ZNF621: variants seen among roughly 807,000 people sequenced by gnomAD.
ZNF621 encodes zinc finger protein 621.
A neutral mutation model predicts 12.7 loss-of-function variants in ZNF621; 6 were observed. The observed-to-expected ratio is 0.47, with a 90% CI of 0.26 to 0.93. The LOEUF is 0.93. ZNF621 is among the 40% of genes least tolerant of loss of function. ZNF621 has a pLI of 0.15. For synonymous variants in ZNF621, 156 were observed against 190.3 expected, an observed-to-expected ratio of 0.82 and a Z score of 1.48; for missense variants, 474 against 524.0, an observed-to-expected ratio of 0.90 and a Z score of 0.93.
chr3:40,537,394 G>A lies in ZNF621; in HGVS notation c.*4304G>A, dbSNP rs1426306056. The stretch of plus-strand genomic sequence containing the variant: ...AAGCGGGAGGATCCCCTGAAGCCAG[G>A]AGTCCGAGACCAGCTTGGGCCACAA... On this transcript the variant is annotated 3_prime_UTR_variant, in exon 5 of 5. Coordinates refer to ENST00000339296, the MANE Select transcript of ZNF621 (RefSeq NM_198484.5). 2 of 152,270 alleles carry A rather than the reference G, an allele frequency of 1.3e-5. No homozygotes were observed. Among genetic ancestry groups the A allele is most frequent in the Non-Finnish European group, 2.9e-5 (2 of 68,132 alleles). The allele number at this position is 152,270 out of a possible 1,614,324, so 9.4% of individuals were successfully genotyped here. A position where few individuals can be genotyped will look rare whatever the true frequency, so the allele number is the denominator to read the frequency against.
In ZNF621 at chr3:40,533,249, T is replaced by C. The variant is rs1205237613; in HGVS notation, c.*159T>C. On this transcript the variant is annotated 3_prime_UTR_variant, in exon 5 of 5. Coordinates refer to ENST00000339296, the MANE Select transcript of ZNF621 (RefSeq NM_198484.5). ...TCCCCCTCCTGGGTTCAAGCGATTCTCCTCCTTCAGACTCTCGAATAGCTG... is the reference window on the plus strand; with the variant it reads ...TCCCCCTCCTGGGTTCAAGCGATTCCCCTCCTTCAGACTCTCGAATAGCTG... 10 of 1,204,626 alleles carry C rather than the reference T, an allele frequency of 8.3e-6. No individual in the cohort carries two copies. The Admixed American group carries it at 1.7e-4, about 21-fold the overall frequency. The allele number at this position is 1,204,626 out of a possible 1,614,324, so 74.6% of individuals were successfully genotyped here. A position where few individuals can be genotyped will look rare whatever the true frequency, so the allele number is the denominator to read the frequency against.
In ZNF621 at chr3:40,536,937, G is replaced by A. The variant is rs1284425512; in HGVS notation, c.*3847G>A. ...TATGTTTCTATTGTAATTGTTTTGG[G>A]GTGCCACAGACTGCATCCATCTAAG... On this transcript the variant is annotated 3_prime_UTR_variant, in exon 5 of 5. Transcript: ENST00000339296. 1.3e-5 allele frequency: 2 copies of A among 151,962 alleles called. No homozygotes were observed. Among genetic ancestry groups the A allele is most frequent in the Non-Finnish European group, 2.9e-5 (2 of 67,982 alleles). The allele number at this position is 151,962 out of a possible 1,614,324, so 9.4% of individuals were successfully genotyped here. A position where few individuals can be genotyped will look rare whatever the true frequency, so the allele number is the denominator to read the frequency against.
chr3:40,526,439 T>G (rs898798040), intron 2 of ZNF621, among the ~76,000 whole-genome samples: 45 of 152,248 alleles, frequency 3.0e-4, no homozygotes, highest in African/African-American at 1.1e-3. Flanking sequence ...CCCAAAGTGC[T>G]GGGATTATAG....
chr3:40,530,212 C>T lies in ZNF621; in HGVS notation c.155C>T (p.Ala52Val), dbSNP rs775872579. Residue 52 changes from alanine to valine, a missense_variant, in exon 4 of 5, where the codon GCG (alanine) becomes GTG (valine). Coordinates refer to ENST00000339296, the MANE Select transcript of ZNF621 (RefSeq NM_198484.5). ...ENYANVASLV[A>V]FPFPKPALIS... is the part of the protein sequence containing the mutation. ...TCTTTCTCTTTTCTTCATGAAGTAGCGTTTCCATTCCCCAAACCTGCTCTG... is the reference window on the plus strand; with the variant it reads ...TCTTTCTCTTTTCTTCATGAAGTAGTGTTTCCATTCCCCAAACCTGCTCTG... 8.7e-6 allele frequency: 14 copies of T among 1,612,856 alleles called. No homozygotes were observed. The highest frequency in any genetic ancestry group is 1.6e-4 in the Middle Eastern group (1 of 6,072).
At chr3:40,525,740 C>T (rs1698563111) in intron 1 of ZNF621, 39 bp from the exon 2 acceptor site, 5 of 1,558,204 alleles carry the variant, frequency 3.2e-6, no homozygotes, top group East Asian at 4.5e-5. Context: ...AGGTGGTGGA[C>T]GACAGGGTCC....
rs1698874005 is a variant in ZNF621 at position 40,536,750 on chromosome 3, A to AT, written c.*3666dup. ...TTTTATTGTGTCTTGCGGATATTGCATTTTTTACAAACTGAAGGTTTGTGG... is the reference window on the plus strand; with the variant it reads ...TTTTATTGTGTCTTGCGGATATTGCATTTTTTTACAAACTGAAGGTTTGTGG... On this transcript the variant is annotated 3_prime_UTR_variant, in exon 5 of 5. Transcript: ENST00000339296. 1.3e-5 allele frequency: 2 copies of AT among 152,046 alleles called. No homozygotes were observed. The highest frequency in any genetic ancestry group is 4.8e-5 in the African/African-American group (2 of 41,388). The allele number at this position is 152,046 out of a possible 1,614,324, so 9.4% of individuals were successfully genotyped here.
chr3:40,531,557 A>C (rs1327481630), intron 4 of ZNF621, among the ~76,000 whole-genome samples: 1 of 151,428 alleles, frequency 6.6e-6, no homozygotes, highest in African/African-American at 2.4e-5. Flanking sequence ...CTCCAATTCT[A>C]TGTCATTATT....
rs1164431979 is a variant in ZNF621, at chr3:40,532,060, T to G, written c.290T>G (p.Leu97Arg). ...GGESWIKNEG[L>R]VIKQEASEET... ...GAGTCCTGGATCAAAAATGAAGGGC[T>G]AGTTATAAAGCAGGAAGCCTCTGAA... The change falls in exon 5 of 5, where the codon CTA becomes CGA. Residue 97 changes from leucine (L) to arginine (R), a missense_variant. Leu to Arg is a moderately radical substitution (Grantham distance 102). Transcript: ENST00000339296. 1 of 1,613,202 alleles carries G rather than the reference T, an allele frequency of 6.2e-7. No individual in the cohort carries two copies. The highest frequency in any genetic ancestry group is 8.5e-7 in the Non-Finnish European group (1 of 1,179,762).
At position 40,536,372 on chromosome 3, in the gene ZNF621, C is replaced by T. The variant is rs1487918440; in HGVS notation, c.*3282C>T. ...GTGTTGGGATTACAGGCGTGAGCCA[C>T]TGCACCTGGCCTGTAACATGATTTG... is the stretch of plus-strand genomic sequence containing the variant. On this transcript the variant is annotated 3_prime_UTR_variant, in exon 5 of 5. Coordinates refer to ENST00000339296, the MANE Select transcript of ZNF621 (RefSeq NM_198484.5). The T allele has an allele frequency of 1.3e-5, 2 of 152,250 alleles. No homozygotes were observed. The highest frequency in any genetic ancestry group is 2.9e-5 in the Non-Finnish European group (2 of 68,068). The allele number at this position is 152,250 out of a possible 1,614,324, so 9.4% of individuals were successfully genotyped here.
intron 4 of ZNF621, 78 bp downstream of exon 4, chr3:40,530,394 C>A: frequency 2.6e-6 from 3 of 1,163,156 alleles, no homozygotes; most frequent in Non-Finnish European, 3.8e-6. Context: ...TCTTATGCTG[C>A]AGGGTACAAA....
chr3:40,532,722 C>A lies in ZNF621; in HGVS notation c.952C>A (p.Pro318Thr), dbSNP rs1698762476. The change falls in exon 5 of 5, where the codon CCT becomes ACT. Residue 318 changes from proline (P) to threonine (T), a missense_variant. Pro to Thr is a conservative substitution (Grantham distance 38). Transcript: ENST00000339296. The stretch of plus-strand genomic sequence containing the variant: ...TCAGAGAGTTCACACTGGGGAGAAG[C>A]CTTATGAATGTAAGGTGTGTGGGAA... ...QHQRVHTGEK[P>T]YECKVCGKAF... The A allele has an allele frequency of 6.2e-7, 1 of 1,614,166 alleles. No homozygotes were observed.
In ZNF621 at chr3:40,538,136, A is replaced by G; in HGVS notation, c.*5046A>G. On this transcript the variant is annotated 3_prime_UTR_variant, in exon 5 of 5. Transcript: ENST00000339296. ...GCCTGTGCTCTAGAAATGGAAGATC[A>G]AAGCCTGGATGACAGCACATCTGTT... is the stretch of plus-strand genomic sequence containing the variant. The G allele has an allele frequency of 4.0e-6, 1 of 249,226 alleles. No individual in the cohort carries two copies. Among genetic ancestry groups the G allele is most frequent in the Non-Finnish European group, 8.1e-6 (1 of 123,212 alleles). The allele number at this position is 249,226 out of a possible 1,614,324, so 15.4% of individuals were successfully genotyped here.
At position 40,532,454 on chromosome 3, in the gene ZNF621, C is replaced by T. The variant is rs1176074848; in HGVS notation, c.684C>T (p.Ile228=). 6.2e-7 allele frequency: 1 copy of T among 1,613,914 alleles called. No individual in the cohort carries two copies. The highest frequency in any genetic ancestry group is 2.2e-5 in the East Asian group (1 of 44,864). The change falls in exon 5 of 5, where the codon ATC becomes ATT. Residue 228 remains isoleucine (I), a synonymous_variant. Coordinates refer to ENST00000339296, the MANE Select transcript of ZNF621 (RefSeq NM_198484.5). ...CAGCCTTGACTCAACATCAGAGGAT[C>T]CACACTGGAGAGAAACCCTATGAAT... ...SNTALTQHQR[I]HTGEKPYECK... is the part of the protein sequence containing the mutation.
At chr3:40,529,838 C>T (rs766597419) in intron 3 of ZNF621, among the ~76,000 whole-genome samples, 5 of 152,090 alleles carry the variant, frequency 3.3e-5, no homozygotes, top group Non-Finnish European at 7.3e-5. Flanking sequence ...ACAGTGTGGT[C>T]CTGGGCCCTG....
chr3:40,530,421 AAGTCGATACTC>A, intron 4 of ZNF621, 105 bp downstream of exon 4: 1 of 898,010 alleles, frequency 1.1e-6, no homozygotes, highest in Admixed American at 2.3e-5. Flanking sequence ...AGTTATTTAT[AAGTCGATACTC>A]ACTGTACTCT....
rs1205298394 is a variant in ZNF621, at chr3:40,534,385, T to C, written c.*1295T>C. Reference sequence around the variant, plus strand: ...CAACTATTCAGAGGACTGTGTGAAGTAGTTACTGGAAAAAGAACTTGAATT... The same window carrying C: ...CAACTATTCAGAGGACTGTGTGAAGCAGTTACTGGAAAAAGAACTTGAATT... On this transcript the variant is annotated 3_prime_UTR_variant, in exon 5 of 5. Transcript: ENST00000339296. 1 of 152,020 alleles carries C rather than the reference T, an allele frequency of 6.6e-6. No homozygotes were observed. The highest frequency in any genetic ancestry group is 2.4e-5 in the African/African-American group (1 of 41,368). 9.4% of individuals were successfully genotyped at this position (152,020 alleles called of 1,614,324 possible).
chr3:40,529,309 G>A lies in ZNF621; in HGVS notation c.25-10G>A, dbSNP rs994078909. 2 of 1,612,188 alleles carry A rather than the reference G, an allele frequency of 1.2e-6. No homozygotes were observed. The highest frequency in any genetic ancestry group is 2.7e-5 in the African/African-American group (2 of 74,886). On this transcript the variant is annotated splice_polypyrimidine_tract_variant and intron_variant, in intron 2 of 4. Coordinates refer to ENST00000339296, the MANE Select transcript of ZNF621 (RefSeq NM_198484.5). The stretch of plus-strand genomic sequence containing the variant: ...TCACTCAGAGATTGAGCAGGAACCT[G>A]TTGTTTCAGGAGTCAGTGACCTTTG...
Position 40,532,424 on chromosome 3 carries a change from C to G in ZNF621, c.654C>G (p.Ser218=), listed in dbSNP as rs1207331795. 6.2e-7 allele frequency: 1 copy of G among 1,613,370 alleles called. No homozygotes were observed. Among genetic ancestry groups the G allele is most frequent in the Admixed American group, 1.7e-5 (1 of 59,952 alleles). Residue 218 remains serine, a synonymous_variant, in exon 5 of 5, where the codon TCC becomes TCG. Transcript: ENST00000339296. ...ECKECGKGLS[S]NTALTQHQRI... ...AGGAGTGTGGCAAAGGTTTGAGTTC[C>G]AACACAGCCTTGACTCAACATCAGA...
rs776332586 is a variant in ZNF621 at position 40,525,853 on chromosome 3, A to T, written c.13A>T (p.Thr5Ser). ...GGGGACATCCGCCATGCTCCAAACA[A>T]CTTGGCCTCAGGTGAGCTGAGCTTC... MLQTTWPQESVTFED... is the reference protein window; with the variant it reads MLQTSWPQESVTFED... The change falls in exon 2 of 5, where the codon ACT (threonine) becomes TCT (serine). Residue 5 changes from threonine (T) to serine (S), a missense_variant. Thr to Ser is a moderately conservative substitution (Grantham distance 58, BLOSUM62 1). Transcript: ENST00000339296. 2 of 1,613,972 alleles carry T rather than the reference A, an allele frequency of 1.2e-6. No homozygotes were observed. Among genetic ancestry groups the T allele is most frequent in the African/African-American group, 2.7e-5 (2 of 75,020 alleles).
Sources: gnomAD v4.1 joint callset for allele counts (sites outside exome capture counted in the v4.1 genomes callset) on GRCh38, gnomAD v4.1.1 for gene constraint, MANE v1.5 for transcripts, NCBI Gene and HGNC (gene_info 2026-07-23, HGNC 2026-07-21) for gene names.